FHOD3: variants seen among roughly 807,000 people sequenced by gnomAD.
FHOD3 encodes formin homology 2 domain containing 3.
Under a neutral mutation model 173.0 loss-of-function variants are expected in FHOD3, and 90 were observed. The ratio of observed to expected loss-of-function variants is 0.52; its 90% confidence interval spans 0.44 to 0.62. FHOD3 has a LOEUF of 0.62. FHOD3 is among the 20% of genes least tolerant of loss of function. The pLI is 0.00. For synonymous variants in FHOD3, 828 were observed against 823.0 expected (o/e 1.01, Z -0.10); for missense variants, 1,945 against 2,034.7 (o/e 0.96, Z 0.85).
At chr18:36,356,113 A>C (rs1598820121) in intron 2 of FHOD3, among the ~76,000 whole-genome samples, 1 of 152,170 alleles carries the variant, frequency 6.6e-6, no homozygotes, top group Non-Finnish European at 1.5e-5. Flanking sequence ...TGAATAAATA[A>C]ATGGATATTT....
chr18:36,670,858 G>A (rs1188069458), intron 14 of FHOD3, among the ~76,000 whole-genome samples: 2 of 152,096 alleles, frequency 1.3e-5, no homozygotes, highest in Non-Finnish European at 2.9e-5. Context: ...ATCCTTGCAG[G>A]TCTTGCATAA....
At chr18:36,606,957 C>T (rs1297941249) in intron 8 of FHOD3, among the ~76,000 whole-genome samples, 1 of 152,250 alleles carries the variant, frequency 6.6e-6, no homozygotes, top group Non-Finnish European at 1.5e-5. Flanking sequence ...CCCACAAGGC[C>T]TCAGGCAACC....
chr18:36,332,605 C>T (rs576101752), intron 1 of FHOD3, among the ~76,000 whole-genome samples: 12 of 152,322 alleles, frequency 7.9e-5, no homozygotes, highest in South Asian at 2.1e-4. Context: ...AACACTTGAC[C>T]GGTGTCTGTT....
chr18:36,361,702 G>GA (rs1306750418), intron 2 of FHOD3, among the ~76,000 whole-genome samples: 257 of 145,096 alleles, frequency 1.8e-3, no homozygotes, highest in Admixed American at 2.7e-3. Context: ...AAAAAAAAAA[G>GA]AAAAAAAAAG....
chr18:36,652,708 C>T lies in FHOD3; in HGVS notation c.1425C>T (p.His475=). 4 of 1,535,764 alleles carry T rather than the reference C, an allele frequency of 2.6e-6. No homozygotes were observed. Among genetic ancestry groups the T allele is most frequent in the Non-Finnish European group, 3.5e-6 (4 of 1,146,676 alleles). Residue 475 remains histidine, a synonymous_variant, in exon 12 of 29, where the codon CAC becomes CAT. Coordinates refer to ENST00000590592, the MANE Select transcript of FHOD3 (RefSeq NM_001281740.3). ...GCACTGCAGGCGGGACCACCTGGCACAGTGGGTCCTCTGGGTCTGAGGCCA... is the reference window on the plus strand; with the variant it reads ...GCACTGCAGGCGGGACCACCTGGCATAGTGGGTCCTCTGGGTCTGAGGCCA... The part of the protein sequence containing the change: ...LVGTAGGTTW[H]SGSSGSEATP...
chr18:36,757,416 C>T (rs1260942636), intron 25 of FHOD3, among the ~76,000 whole-genome samples: 2 of 152,108 alleles, frequency 1.3e-5, no homozygotes, highest in African/African-American at 4.8e-5. Context: ...CCTGGGACAC[C>T]AAGGAAGATG....
intron 3 of FHOD3, among the ~76,000 whole-genome samples, chr18:36,399,219 A>G (rs2048691263): frequency 6.6e-6 from 1 of 152,098 alleles, no homozygotes; most frequent in Non-Finnish European, 1.5e-5. Flanking sequence ...CCATGGCCCC[A>G]GATTGCTGGC....
At chr18:36,355,695 G>A (rs752053136) in intron 2 of FHOD3, 50 bp downstream of exon 2, 119 of 1,483,774 alleles carry the variant, frequency 8.0e-5, no homozygotes, top group Non-Finnish European at 1.1e-4. Flanking sequence ...ACCAGGAAAT[G>A]GGGGTACATT....
At chr18:36,709,679 G>A (rs2040066009) in intron 18 of FHOD3, 3 of 394,226 alleles carry the variant, frequency 7.6e-6, no homozygotes, top group South Asian at 4.7e-5. Flanking sequence ...TTTTCCTGAG[G>A]AATAAGCCCC....
At chr18:36,394,815 C>T (rs189433393) in intron 3 of FHOD3, among the ~76,000 whole-genome samples, 2 of 152,316 alleles carry the variant, frequency 1.3e-5, no homozygotes, top group East Asian at 1.9e-4. Flanking sequence ...CAGATGTTCA[C>T]TGCTACTGGA....
intron 3 of FHOD3, among the ~76,000 whole-genome samples, chr18:36,402,962 G>T (rs1432870637): frequency 1.3e-5 from 2 of 152,214 alleles, no homozygotes; most frequent in Non-Finnish European, 2.9e-5. Flanking sequence ...GCTTAAGCTG[G>T]CAAGGCCATA....
chr18:36,568,155 C>T (rs1207059439), intron 5 of FHOD3, among the ~76,000 whole-genome samples: 5 of 117,826 alleles, frequency 4.2e-5, no homozygotes, highest in African/African-American at 1.7e-4. Flanking sequence ...AAAATCCCAT[C>T]TCTACTAAAA....
chr18:36,478,098 G>A (rs1327383550), intron 3 of FHOD3, among the ~76,000 whole-genome samples: 1 of 152,146 alleles, frequency 6.6e-6, no homozygotes, highest in Non-Finnish European at 1.5e-5. Context: ...GATGGTAGTG[G>A]GGGTGTCATT....
At chr18:36,521,715 A>G (rs1017525127) in intron 5 of FHOD3, among the ~76,000 whole-genome samples, 1 of 151,998 alleles carries the variant, frequency 6.6e-6, no homozygotes, top group South Asian at 2.1e-4. Context: ...GCATGGATGG[A>G]CCATGCACCA....
intron 5 of FHOD3, among the ~76,000 whole-genome samples, chr18:36,512,775 G>A (rs900247582): frequency 1.3e-5 from 2 of 152,020 alleles, no homozygotes; most frequent in Admixed American, 6.6e-5. Flanking sequence ...TATTTTACAC[G>A]CTTACTAGGA....
chr18:36,608,059 C>A (rs552933657), intron 8 of FHOD3, among the ~76,000 whole-genome samples: 2 of 152,182 alleles, frequency 1.3e-5, no homozygotes, highest in Admixed American at 6.5e-5. Flanking sequence ...CTTGCTTCTC[C>A]AAATTTTTCC....
chr18:36,380,206 A>G (rs1029957381), intron 3 of FHOD3, among the ~76,000 whole-genome samples: 13 of 152,344 alleles, frequency 8.5e-5, no homozygotes, highest in East Asian at 1.9e-4. Context: ...AGTAATAGCA[A>G]CAGAATAAGA....
chr18:36,421,063 T>C (rs903606629), intron 3 of FHOD3, among the ~76,000 whole-genome samples: 1 of 151,894 alleles, frequency 6.6e-6, no homozygotes, highest in African/African-American at 2.4e-5. Flanking sequence ...GTGTCAGAGG[T>C]CTTAGAATTG....
intron 3 of FHOD3, among the ~76,000 whole-genome samples, chr18:36,440,404 T>C (rs1011015943): frequency 1.3e-5 from 2 of 152,210 alleles, no homozygotes; most frequent in African/African-American, 4.8e-5. Context: ...CCCTTCCTTA[T>C]TTGAGGAGCT....
Sources: allele counts gnomAD v4.1 joint callset (sites outside exome capture counted in the v4.1 genomes callset), GRCh38; gene constraint gnomAD v4.1.1; transcripts MANE v1.5; gene names NCBI Gene and HGNC (gene_info 2026-07-23, HGNC 2026-07-21).